HS6ST3: variants seen among roughly 807,000 people sequenced by gnomAD.
The protein encoded by HS6ST3 is heparan sulfate 6-O-sulfotransferase 3, also known as heparan-sulfate 6-O-sulfotransferase 3.
A neutral mutation model predicts 36.7 loss-of-function variants in HS6ST3; 12 were observed. The observed-to-expected ratio is 0.33, with a 90% CI of 0.21 to 0.53. The LOEUF is 0.53. HS6ST3 is among the 20% of genes least tolerant of loss of function. The pLI, the probability that HS6ST3 is intolerant of heterozygous loss-of-function variation, is 0.95. For synonymous variants in HS6ST3, 240 were observed against 257.5 expected, an observed-to-expected ratio of 0.93 and a Z score of 0.65; for missense variants, 584 against 640.9, an observed-to-expected ratio of 0.91 and a Z score of 0.96.
intron 1 of HS6ST3, among the ~76,000 whole-genome samples, chr13:96,696,665 A>G (rs1875137290): frequency 6.6e-6 from 1 of 152,192 alleles, no homozygotes; most frequent in Admixed American, 6.5e-5. Flanking sequence ...TCTTTCTTGC[A>G]TTCTTGCACA....
At chr13:96,357,227 A>G (rs1476139641) in intron 1 of HS6ST3, among the ~76,000 whole-genome samples, 1 of 152,220 alleles carries the variant, frequency 6.6e-6, no homozygotes, top group Non-Finnish European at 1.5e-5. Flanking sequence ...CTTTTTGTCA[A>G]TTGTGTGTCC....
chr13:96,196,826 T>C (rs181453092), intron 1 of HS6ST3, among the ~76,000 whole-genome samples: 6 of 152,362 alleles, frequency 3.9e-5, no homozygotes, highest in African/African-American at 1.2e-4. Flanking sequence ...GCTACTGATA[T>C]TGCCATAGGG....
At chr13:96,487,047 C>G (rs2055918805) in intron 1 of HS6ST3, among the ~76,000 whole-genome samples, 1 of 151,932 alleles carries the variant, frequency 6.6e-6, no homozygotes, top group Non-Finnish European at 1.5e-5. Flanking sequence ...AAGATTGGAC[C>G]CTGTTCAATT....
At chr13:96,634,385 C>T (rs1364435849) in intron 1 of HS6ST3, among the ~76,000 whole-genome samples, 1 of 152,132 alleles carries the variant, frequency 6.6e-6, no homozygotes, top group African/African-American at 2.4e-5. Flanking sequence ...GTCACCAGTA[C>T]TAAATAAGGA....
chr13:96,438,303 A>G (rs1055840827), intron 1 of HS6ST3, among the ~76,000 whole-genome samples: 1 of 152,226 alleles, frequency 6.6e-6, no homozygotes, highest in Non-Finnish European at 1.5e-5. Flanking sequence ...TACATGCACA[A>G]ATTTTAACCA....
intron 1 of HS6ST3, among the ~76,000 whole-genome samples, chr13:96,095,868 G>GTGTC (rs2053788121): frequency 1.0e-5 from 1 of 99,326 alleles, no homozygotes; most frequent in Non-Finnish European, 2.5e-5. Flanking sequence ...TGACTGGTGT[G>GTGTC]TGTGTGTGTG....
intron 1 of HS6ST3, among the ~76,000 whole-genome samples, chr13:96,572,927 C>G (rs1213407434): frequency 6.6e-6 from 1 of 152,188 alleles, no homozygotes; most frequent in Non-Finnish European, 1.5e-5. Context: ...ATCCCCAAAT[C>G]ATTCATGTAC....
chr13:96,428,722 C>A (rs992554449), intron 1 of HS6ST3, among the ~76,000 whole-genome samples: 3 of 152,138 alleles, frequency 2.0e-5, no homozygotes, highest in African/African-American at 7.2e-5. Context: ...AGGTGCTTAT[C>A]AAGTAAGAAC....
intron 1 of HS6ST3, among the ~76,000 whole-genome samples, chr13:96,718,317 A>G (rs1875754824): frequency 6.6e-6 from 1 of 152,176 alleles, no homozygotes; most frequent in Admixed American, 6.6e-5. Flanking sequence ...AGGTTAAATC[A>G]TTTTTGTGCA....
intron 1 of HS6ST3, among the ~76,000 whole-genome samples, chr13:96,228,012 A>G (rs2054489434): frequency 6.6e-6 from 1 of 152,188 alleles, no homozygotes. Flanking sequence ...TATTTTAACA[A>G]TCTCGGAGAA....
Position 96,782,395 on chromosome 13 carries a change from C to A in HS6ST3, c.708-50095C>A, listed in dbSNP as rs1295667467. Among the ~76,000 whole-genome samples, 4 of 152,148 alleles carry A rather than the reference C, an allele frequency of 2.6e-5. No homozygotes were observed. The East Asian group carries it at 7.7e-4, about 29-fold the overall frequency. On this transcript the variant is annotated intron_variant, in intron 1 of 1. Transcript: ENST00000376705. ...TTCCTAATCGGGTTTGGTTTGGACT[C>A]TTTCCTTGCATATGGGTGTGGCTTG...
chr13:96,674,641 C>T (rs976828770), intron 1 of HS6ST3, among the ~76,000 whole-genome samples: 2 of 152,080 alleles, frequency 1.3e-5, no homozygotes, highest in African/African-American at 4.8e-5. Flanking sequence ...GTTGAGTTCG[C>T]CTCACTGATT....
chr13:96,728,986 C>A (rs1441630795), intron 1 of HS6ST3, among the ~76,000 whole-genome samples: 2 of 152,116 alleles, frequency 1.3e-5, no homozygotes, highest in African/African-American at 4.8e-5. Context: ...ATGTGCCCAA[C>A]CAAGCACTGT....
chr13:96,313,824 A>T (rs990721324), intron 1 of HS6ST3, among the ~76,000 whole-genome samples: 2 of 152,186 alleles, frequency 1.3e-5, no homozygotes, highest in Admixed American at 6.5e-5. Flanking sequence ...TGACCCGCAC[A>T]GGTGTCTGTG....
At position 96,641,117 on chromosome 13, in the gene HS6ST3, G is replaced by A. The variant is rs138306109; in HGVS notation, c.708-191373G>A. On this transcript the variant is annotated intron_variant, in intron 1 of 1. Transcript: ENST00000376705. ...ATAATGTGGGTAGCTTGATAAGATAGCATTGATTCTGTACACTGCTTTGGG... is the reference window on the plus strand; with the variant it reads ...ATAATGTGGGTAGCTTGATAAGATAACATTGATTCTGTACACTGCTTTGGG... Among the ~76,000 whole-genome samples the A allele has an allele frequency of 1.3e-4, 20 of 151,994 alleles. 1 individual carries two copies. Among genetic ancestry groups the A allele is most frequent in the African/African-American group, 4.3e-4 (18 of 41,498 alleles).
At chr13:96,165,256 T>C (rs570808967) in intron 1 of HS6ST3, among the ~76,000 whole-genome samples, 5 of 152,318 alleles carry the variant, frequency 3.3e-5, no homozygotes, top group African/African-American at 4.8e-5. Flanking sequence ...GAGGCCTCAA[T>C]TGACTCCTTC....
chr13:96,719,904 C>T (rs1480098708), intron 1 of HS6ST3, among the ~76,000 whole-genome samples: 5 of 152,134 alleles, frequency 3.3e-5, no homozygotes, highest in African/African-American at 1.2e-4. Flanking sequence ...TTCTTTCTCT[C>T]CTGTCCGCTG....
chr13:96,317,055 T>C (rs1012993854), intron 1 of HS6ST3, among the ~76,000 whole-genome samples: 1 of 151,922 alleles, frequency 6.6e-6, no homozygotes, highest in Admixed American at 6.6e-5. Context: ...TACATGGGTA[T>C]ACTGCACCCA....
chr13:96,405,997 A>C (rs2055476548), intron 1 of HS6ST3, among the ~76,000 whole-genome samples: 1 of 152,196 alleles, frequency 6.6e-6, no homozygotes, highest in African/African-American at 2.4e-5. Flanking sequence ...ACTTTGGAGA[A>C]TGCTTTTTAT....
Sources: allele counts gnomAD v4.1 joint callset (sites outside exome capture counted in the v4.1 genomes callset), GRCh38; gene constraint gnomAD v4.1.1; transcripts MANE v1.5; gene names NCBI Gene and HGNC (gene_info 2026-07-23, HGNC 2026-07-21).